The following TAAR5 variants were observed in gnomAD, a reference collection of about 807,000 sequenced individuals.
TAAR5 encodes trace amine-associated receptor 5.
In TAAR5, 27 loss-of-function variants were observed where a neutral mutation model predicts 21.1. That is an observed-to-expected ratio of 1.28 (90% CI 0.94 to 1.76). TAAR5 has a LOEUF of 1.76. Ranked by LOEUF, TAAR5 falls within the 40% of genes most tolerant of loss-of-function variation. The probability of loss-of-function intolerance (pLI) is 0.00; values close to 1 mark genes in which losing one functional copy is unlikely to be tolerated. For missense variants in TAAR5, 495 were observed against 405.6 expected (o/e 1.22, Z -1.89); for synonymous variants, 203 against 167.5 (o/e 1.21, Z -1.64).
the TAAR5 span, chr6:132,608,735 G>A: frequency 4.4e-6 from 2 of 455,798 alleles, no homozygotes; most frequent in African/African-American, 2.0e-5. Flanking sequence ...CAAGCAACAA[G>A]TATCTTATAG....
the TAAR5 span, among the ~76,000 whole-genome samples, chr6:132,610,576 G>A: frequency 2.0e-5 from 3 of 152,012 alleles, no homozygotes; most frequent in Admixed American, 6.6e-5. Flanking sequence ...CTTCCTGACC[G>A]ACGGGGAAGA....
the TAAR5 span, among the ~76,000 whole-genome samples, chr6:132,600,871 GAGA>G: frequency 2.2e-5 from 1 of 44,454 alleles, no homozygotes; most frequent in South Asian, 8.4e-4. Context: ...GAAGGAAGGA[GAGA>G]GGGAAGGAGG....
chr6:132,609,818 G>A, the TAAR5 span, among the ~76,000 whole-genome samples: 1 of 152,140 alleles, frequency 6.6e-6, no homozygotes, highest in East Asian at 1.9e-4. Context: ...AGTTATAAAT[G>A]GCATATTGCT....
In TAAR5 at chr6:132,588,612, T is replaced by C; in HGVS notation, c.*61A>G. 1 of 1,548,358 alleles carries C rather than the reference T, an allele frequency of 6.5e-7. No homozygotes were observed. The highest frequency in any genetic ancestry group is 1.2e-5 in the South Asian group (1 of 80,400). On this transcript the variant is annotated 3_prime_UTR_variant, in exon 1 of 1. Transcript: ENST00000258034. ...AAACTCAACACCACACAGCCCACGG[T>C]CACAGTGCCACTTATCTTTCCTGTG...
the TAAR5 span, chr6:132,608,699 T>C: frequency 2.4e-5 from 11 of 455,768 alleles, no homozygotes; most frequent in Non-Finnish European, 4.4e-5. Flanking sequence ...CAGAATTTGT[T>C]GAAAGTAAGG....
upstream of TAAR5, among the ~76,000 whole-genome samples, chr6:132,591,656 G>A (rs1372821450): frequency 6.6e-6 from 1 of 152,158 alleles, no homozygotes; most frequent in Admixed American, 6.5e-5. Flanking sequence ...TGGCCAAGGA[G>A]TCCTATGGCT....
chr6:132,601,009 GA>G, the TAAR5 span, among the ~76,000 whole-genome samples: 2 of 114,594 alleles, frequency 1.7e-5, 1 homozygote, highest in African/African-American at 6.2e-5. Context: ...AGGAGGGAAG[GA>G]AGGAAGGGGG....
At position 132,589,173 on chromosome 6, in the gene TAAR5, T is replaced by C; in HGVS notation, c.514A>G (p.Thr172Ala). The change falls in exon 1 of 1, where the codon ACA (threonine) becomes GCA (alanine). Residue 172 changes from threonine to alanine, a missense_variant. By Grantham distance (58) the Thr-to-Ala change is moderately conservative (BLOSUM62 0). Transcript: ENST00000258034. Reference sequence around the variant, plus strand: ...CTGAGCCTTGTCTCTACCACATCTGTGTAGAGGAATAACGAAGTGTATGCT... The same window carrying C: ...CTGAGCCTTGTCTCTACCACATCTGCGTAGAGGAATAACGAAGTGTATGCT... ...PAAYTSLFLY[T>A]DVVETRLSQW... The C allele has an allele frequency of 1.9e-6, 3 of 1,608,352 alleles. No individual in the cohort carries two copies. Among genetic ancestry groups the C allele is most frequent in the Non-Finnish European group, 2.5e-6 (3 of 1,177,284 alleles).
chr6:132,594,568 T>A (rs950292235), upstream of TAAR5: 1 of 152,130 alleles, frequency 6.6e-6, no homozygotes, highest in Non-Finnish European at 1.5e-5. Flanking sequence ...CTTCAAGGGT[T>A]GTAAAATTAA....
chr6:132,594,635 C>T (rs1199430718), upstream of TAAR5: 3 of 152,218 alleles, frequency 2.0e-5, no homozygotes, highest in Non-Finnish European at 4.4e-5. Context: ...CACAAACACT[C>T]CCATGACTAT....
At chr6:132,589,741 G>GAAA (rs1776877980), upstream of TAAR5, 1 of 107,920 alleles carries the variant, frequency 9.3e-6, no homozygotes, top group Non-Finnish European at 1.4e-5. Context: ...CCACTGGAGG[G>GAAA]CAAAAAAAAA....
the TAAR5 span, among the ~76,000 whole-genome samples, chr6:132,599,530 T>A: frequency 1.3e-5 from 2 of 151,964 alleles, no homozygotes; most frequent in Non-Finnish European, 2.9e-5. Context: ...GGTGTCACCA[T>A]GTTGGCCAGG....
At chr6:132,608,325 T>C in the TAAR5 span, 13 of 455,642 alleles carry the variant, frequency 2.9e-5, no homozygotes, top group South Asian at 1.9e-4. Flanking sequence ...ACTTGAATGC[T>C]TTCTGAAACC....
At position 132,589,080 on chromosome 6, in the gene TAAR5, A is replaced by C. The variant is rs1031353799; in HGVS notation, c.607T>G (p.Leu203Val). The C allele has an allele frequency of 2.5e-6, 4 of 1,613,956 alleles. No homozygotes were observed. In the African/African-American group the frequency reaches 5.3e-5, roughly 22 times the overall value. Residue 203 changes from leucine to valine, a missense_variant, in exon 1 of 1, where the codon TTA (leucine) becomes GTA (valine). By Grantham distance (32) the Leu-to-Val change is conservative. Transcript: ENST00000258034. ...QLLLNKFWGW[L>V]NFPLFFVPCL... ...GGGACAAAGAACAAAGGGAAGTTTAACCAGCCCCAAAATTTATTGAGCAGC... is the reference window on the plus strand; with the variant it reads ...GGGACAAAGAACAAAGGGAAGTTTACCCAGCCCCAAAATTTATTGAGCAGC...
In TAAR5 at chr6:132,588,762, A is replaced by C. The variant is rs756111183; in HGVS notation, c.925T>G (p.Tyr309Asp). 5.0e-6 allele frequency: 8 copies of C among 1,614,120 alleles called. No individual in the cohort carries two copies. In the South Asian group the frequency reaches 6.6e-5, roughly 13 times the overall value. ...ACNPIIYVFS[Y>D]QWFRKALKLT... Reference sequence around the variant, plus strand: ...TTCAGTGCCTTCCGAAACCACTGGTAGGAAAAGACATAGATGATGGGGTTG... The same window carrying C: ...TTCAGTGCCTTCCGAAACCACTGGTCGGAAAAGACATAGATGATGGGGTTG... The change falls in exon 1 of 1, where the codon TAC becomes GAC. Residue 309 changes from tyrosine to aspartate, a missense_variant. Physicochemically the swap from Tyr to Asp is radical, Grantham distance 160 (BLOSUM62 -3). Transcript: ENST00000258034.
upstream of TAAR5, chr6:132,589,813 G>A (rs995998030): frequency 1.3e-6 from 1 of 776,262 alleles, no homozygotes; most frequent in Non-Finnish European, 1.9e-6. Context: ...AAACGAAGAG[G>A]AAGAAACTAA....
At chr6:132,600,893 GA>G in the TAAR5 span, among the ~76,000 whole-genome samples, 1 of 133,040 alleles carries the variant, frequency 7.5e-6, no homozygotes, top group Admixed American at 7.5e-5. Flanking sequence ...GGGAAGAAGG[GA>G]AGGAGGGAAG....
the TAAR5 span, among the ~76,000 whole-genome samples, chr6:132,609,671 A>G: frequency 6.6e-6 from 1 of 152,164 alleles, no homozygotes; most frequent in African/African-American, 2.4e-5. Flanking sequence ...AACTGTTTTG[A>G]ATGTGGCTGC....
At position 132,588,962 on chromosome 6, in the gene TAAR5, C is replaced by T. The variant is rs1232220632; in HGVS notation, c.725G>A (p.Gly242Glu). ...QITTLSKSLA[G>E]AAKHERKAAK... Reference sequence around the variant, plus strand: ...AGCTTTTCTCTCATGCTTGGCAGCCCCAGCCAGGCTTTTGCTCAATGTGGT... The same window carrying T: ...AGCTTTTCTCTCATGCTTGGCAGCCTCAGCCAGGCTTTTGCTCAATGTGGT... Residue 242 changes from glycine (G) to glutamate (E), a missense_variant, in exon 1 of 1, where the codon GGG becomes GAG. Transcript: ENST00000258034. 1 of 1,614,044 alleles carries T rather than the reference C, an allele frequency of 6.2e-7. No homozygotes were observed. Among genetic ancestry groups the T allele is most frequent in the South Asian group, 1.1e-5 (1 of 91,078 alleles).
Sources: gnomAD v4.1 joint callset for allele counts (sites outside exome capture counted in the v4.1 genomes callset) on GRCh38, gnomAD v4.1.1 for gene constraint, MANE v1.5 for transcripts, NCBI Gene and HGNC (gene_info 2026-07-23, HGNC 2026-07-21) for gene names.